Variants in TMEM132B observed in about 807,000 individuals in gnomAD.
The protein encoded by TMEM132B is transmembrane protein 132B.
TMEM132B carries 18 observed loss-of-function variants against 90.8 expected under a neutral mutation model. The observed-to-expected ratio is 0.20, with a 90% CI of 0.14 to 0.29. TMEM132B has a LOEUF of 0.29. TMEM132B is among the 10% of genes least tolerant of loss of function. The pLI is 1.00. For missense variants in TMEM132B, 1,096 were observed against 1,326.8 expected (o/e 0.83, Z 2.70); for synonymous variants, 504 against 523.3 (o/e 0.96, Z 0.50).
intron 1 of TMEM132B, among the ~76,000 whole-genome samples, chr12:125,292,594 C>G (rs1875570674): frequency 6.6e-6 from 1 of 152,182 alleles, no homozygotes; most frequent in Non-Finnish European, 1.5e-5. Context: ...CTGGGAGGGA[C>G]AGCTTCAGGT....
At chr12:125,602,617 G>A (rs12307450) in intron 5 of TMEM132B, among the ~76,000 whole-genome samples, 16,627 of 152,058 alleles carry the variant, frequency 0.11, 1,399 homozygotes, top group East Asian at 0.28. Flanking sequence ...TGGCCAGGGC[G>A]ATCACGCAAA....
At chr12:125,579,840 A>G (rs1428886718) in intron 4 of TMEM132B, among the ~76,000 whole-genome samples, 1 of 151,956 alleles carries the variant, frequency 6.6e-6, no homozygotes, top group Non-Finnish European at 1.5e-5. Flanking sequence ...GCTTTTTTGC[A>G]TGTCTCATAA....
intron 3 of TMEM132B, among the ~76,000 whole-genome samples, chr12:125,481,766 T>C (rs1882049476): frequency 6.6e-6 from 1 of 152,148 alleles, no homozygotes; most frequent in Non-Finnish European, 1.5e-5. Flanking sequence ...AAAGTTCATA[T>C]GGAACCAAAA....
chr12:125,549,018 C>G (rs868684414), intron 4 of TMEM132B, among the ~76,000 whole-genome samples: 2 of 152,142 alleles, frequency 1.3e-5, no homozygotes, highest in Non-Finnish European at 2.9e-5. Context: ...ATACTTAGTC[C>G]TATTTACTAT....
chr12:125,235,802 CTTTTTT>C (rs61643412), intron 1 of TMEM132B, among the ~76,000 whole-genome samples: 1 of 107,416 alleles, frequency 9.3e-6, no homozygotes, highest in Non-Finnish European at 1.8e-5. Flanking sequence ...CACTTCATTC[CTTTTTT>C]TTTTTTTTTT....
intron 5 of TMEM132B, among the ~76,000 whole-genome samples, chr12:125,627,825 TCCTAGCCTC>T (rs749316330): frequency 3.3e-5 from 5 of 152,134 alleles, no homozygotes; most frequent in Non-Finnish European, 7.4e-5. Flanking sequence ...CCACTGCCCT[TCCTAGCCTC>T]TGGTAACCAT....
intron 1 of TMEM132B, among the ~76,000 whole-genome samples, chr12:125,219,569 G>T (rs1873514261): frequency 1.3e-5 from 2 of 152,174 alleles, no homozygotes; most frequent in South Asian, 4.2e-4. Context: ...TGTGTGTGTG[G>T]GAAGGACCTG....
At chr12:125,219,958 T>C (rs1295869320) in intron 1 of TMEM132B, among the ~76,000 whole-genome samples, 1 of 152,238 alleles carries the variant, frequency 6.6e-6, no homozygotes, top group Non-Finnish European at 1.5e-5. Context: ...GGAAGCCTGC[T>C]GTGTGTCAGT....
chr12:125,426,862 A>G (rs373564600), intron 3 of TMEM132B, among the ~76,000 whole-genome samples: 2 of 152,254 alleles, frequency 1.3e-5, no homozygotes, highest in African/African-American at 4.8e-5. Context: ...TTGAACCAGT[A>G]GGCAGCGCTC....
intron 1 of TMEM132B, among the ~76,000 whole-genome samples, chr12:125,322,044 C>A (rs1405560725): frequency 1.3e-5 from 2 of 152,124 alleles, no homozygotes; most frequent in Non-Finnish European, 2.9e-5. Context: ...AGAAGTCGGG[C>A]ACAAAGGTCT....
chr12:125,402,323 G>A (rs1345493576), intron 2 of TMEM132B, among the ~76,000 whole-genome samples: 2 of 152,130 alleles, frequency 1.3e-5, no homozygotes, highest in Non-Finnish European at 2.9e-5. Flanking sequence ...TGGAGTAGGT[G>A]GGATTACAGG....
chr12:125,275,183 A>T (rs1874956471), intron 1 of TMEM132B, among the ~76,000 whole-genome samples: 1 of 151,992 alleles, frequency 6.6e-6, no homozygotes, highest in Admixed American at 6.6e-5. Context: ...CTCTGTGATC[A>T]CCCCAGCTCA....
At chr12:125,308,942 A>G (rs1001816645) in intron 1 of TMEM132B, among the ~76,000 whole-genome samples, 1 of 152,194 alleles carries the variant, frequency 6.6e-6, no homozygotes, top group Admixed American at 6.5e-5. Flanking sequence ...TTTCATTTAA[A>G]TGTTATATTG....
Position 125,652,298 on chromosome 12 carries a change from G to A in TMEM132B, c.1915-143G>A, listed in dbSNP as rs548435739. The stretch of plus-strand genomic sequence containing the variant: ...TAATTGTGAAGTGTGATTGAACAAC[G>A]GCATAATACTTCCCTAACCGATTCC... On this transcript the variant is annotated intron_variant, in intron 7 of 8. Transcript: ENST00000682704. 2.8e-4 allele frequency: 181 copies of A among 653,280 alleles called. 2 individuals carry two copies. Among genetic ancestry groups the A allele is most frequent in the Middle Eastern group, 1.3e-3 (3 of 2,380 alleles). The allele number at this position is 653,280 out of a possible 1,614,324, so 40.5% of individuals were successfully genotyped here.
chr12:125,360,494 CACA>C (rs1269093625), intron 2 of TMEM132B, among the ~76,000 whole-genome samples: 5 of 152,258 alleles, frequency 3.3e-5, no homozygotes, highest in African/African-American at 1.2e-4. Context: ...AATTAGACAT[CACA>C]TTAGACATCG....
At chr12:125,623,087 G>A (rs959644331) in intron 5 of TMEM132B, among the ~76,000 whole-genome samples, 8 of 152,152 alleles carry the variant, frequency 5.3e-5, no homozygotes, top group Non-Finnish European at 1.0e-4. Context: ...TTCGGGGAGT[G>A]CAGTCAGAAC....
At chr12:125,194,270 G>GT (rs750805564) in intron 1 of TMEM132B, among the ~76,000 whole-genome samples, 1 of 149,454 alleles carries the variant, frequency 6.7e-6, no homozygotes, top group Non-Finnish European at 1.5e-5. Context: ...TAACCCGTTG[G>GT]TGGGGGGGTC....
intron 3 of TMEM132B, among the ~76,000 whole-genome samples, chr12:125,465,759 C>T (rs1881546112): frequency 1.3e-5 from 2 of 152,224 alleles, no homozygotes; most frequent in African/African-American, 4.8e-5. Context: ...TCTGGGCAAC[C>T]CATCAATCGA....
chr12:125,484,956 C>T (rs1398232589), intron 3 of TMEM132B, among the ~76,000 whole-genome samples: 1 of 152,104 alleles, frequency 6.6e-6, no homozygotes, highest in Non-Finnish European at 1.5e-5. Flanking sequence ...CTGGTGTCCT[C>T]CAAAAACTCA....
Sources: gnomAD v4.1 joint callset for allele counts (sites outside exome capture counted in the v4.1 genomes callset) on GRCh38, gnomAD v4.1.1 for gene constraint, MANE v1.5 for transcripts, NCBI Gene and HGNC (gene_info 2026-07-23, HGNC 2026-07-21) for gene names.